The following NLGN1 variants were observed in gnomAD, a reference collection of about 807,000 sequenced individuals.
The protein encoded by NLGN1 is neuroligin 1, also known as neuroligin-1.
NLGN1 carries 12 observed loss-of-function variants against 65.5 expected under a neutral mutation model. The observed-to-expected ratio is 0.18, with a 90% CI of 0.12 to 0.30. NLGN1 has a LOEUF of 0.30. Ranked by LOEUF, NLGN1 falls within the 10% of genes least tolerant of loss-of-function variation. The probability of loss-of-function intolerance (pLI) is 1.00; values close to 1 mark genes in which losing one functional copy is unlikely to be tolerated. For synonymous variants in NLGN1, 350 were observed against 359.5 expected (o/e 0.97, Z 0.30); for missense variants, 750 against 1,007.1 (o/e 0.74, Z 3.46).
chr3:174,172,724 G>T (rs928648695), intron 4 of NLGN1, among the ~76,000 whole-genome samples: 5 of 152,256 alleles, frequency 3.3e-5, no homozygotes, highest in Admixed American at 1.3e-4. Flanking sequence ...CAATAGCTCT[G>T]CAGTATAATA....
chr3:173,899,298 G>A (rs1407132767), intron 4 of NLGN1, among the ~76,000 whole-genome samples: 1 of 152,036 alleles, frequency 6.6e-6, no homozygotes, highest in Admixed American at 6.6e-5. Flanking sequence ...CACATTGAAA[G>A]TTTTTCAAAT....
At chr3:173,790,508 C>G (rs374340188) in intron 3 of NLGN1, among the ~76,000 whole-genome samples, 1 of 151,896 alleles carries the variant, frequency 6.6e-6, no homozygotes, top group Admixed American at 6.6e-5. Context: ...TGAATTGTTA[C>G]GAAAATTTTA....
intron 3 of NLGN1, among the ~76,000 whole-genome samples, chr3:173,676,311 A>G (rs530995652): frequency 6.6e-6 from 1 of 152,222 alleles, no homozygotes; most frequent in South Asian, 2.1e-4. Flanking sequence ...GGAGGTCAAC[A>G]GGGCCAGATG....
chr3:173,827,169 T>G (rs1721504817), intron 4 of NLGN1, among the ~76,000 whole-genome samples: 1 of 151,994 alleles, frequency 6.6e-6, no homozygotes, highest in Admixed American at 6.6e-5. Context: ...TCTTCTCTTG[T>G]AATTAGTTAG....
intron 3 of NLGN1, among the ~76,000 whole-genome samples, chr3:173,738,792 T>G (rs1380431673): frequency 6.6e-6 from 1 of 152,102 alleles, no homozygotes; most frequent in Non-Finnish European, 1.5e-5. Flanking sequence ...TCTGGAATTT[T>G]GATTAAAATG....
chr3:173,979,517 TAAG>T (rs1430799293), intron 4 of NLGN1, among the ~76,000 whole-genome samples: 1 of 151,918 alleles, frequency 6.6e-6, no homozygotes, highest in Non-Finnish European at 1.5e-5. Flanking sequence ...GGTGTGAGGA[TAAG>T]AAGGGAAAAT....
intron 4 of NLGN1, among the ~76,000 whole-genome samples, chr3:173,849,485 T>G (rs1726467449): frequency 1.8e-5 from 1 of 55,698 alleles, no homozygotes; most frequent in Non-Finnish European, 4.2e-5. Flanking sequence ...AATATAAACA[T>G]TAGCAGAGGT....
intron 4 of NLGN1, among the ~76,000 whole-genome samples, chr3:173,892,409 T>C (rs1269151095): frequency 6.6e-6 from 1 of 152,036 alleles, no homozygotes; most frequent in Non-Finnish European, 1.5e-5. Flanking sequence ...TTTTCCTATG[T>C]ATGTTTTATA....
At chr3:174,108,384 T>C (rs1281957232) in intron 4 of NLGN1, among the ~76,000 whole-genome samples, 5 of 152,116 alleles carry the variant, frequency 3.3e-5, no homozygotes, top group African/African-American at 4.8e-5. Context: ...TTGGGGACTA[T>C]TTTTTGTCTG....
intron 4 of NLGN1, among the ~76,000 whole-genome samples, chr3:174,273,291 A>T (rs1284187663): frequency 2.0e-5 from 3 of 150,386 alleles, no homozygotes; most frequent in African/African-American, 7.3e-5. Context: ...TCTTTCATTC[A>T]CTCTCTCTCT....
At chr3:173,897,900 A>T (rs73035443) in intron 4 of NLGN1, among the ~76,000 whole-genome samples, 5,957 of 152,264 alleles carry the variant, frequency 0.039, 239 homozygotes, top group African/African-American at 0.099. Flanking sequence ...ATCATTGCAA[A>T]CAATCAGATT....
intron 3 of NLGN1, among the ~76,000 whole-genome samples, chr3:173,766,342 G>A (rs537049091): frequency 6.6e-6 from 1 of 152,120 alleles, no homozygotes; most frequent in East Asian, 1.9e-4. Flanking sequence ...GCCCACCTAC[G>A]CCTCCCAAAG....
chr3:173,633,804 C>A (rs992919511), intron 3 of NLGN1, among the ~76,000 whole-genome samples: 1 of 152,258 alleles, frequency 6.6e-6, no homozygotes. Flanking sequence ...TTCTAATTAT[C>A]GTTTAGCAGT....
rs145348450 is a variant in NLGN1, at chr3:173,807,685, C to T, written c.499C>T (p.Arg167Trp). 15 of 1,612,402 alleles carry T rather than the reference C, an allele frequency of 9.3e-6. No homozygotes were observed. The highest frequency in any genetic ancestry group is 5.3e-5 in the African/African-American group (4 of 74,832). ...GCCAACCATTTGTTTTCCAGATATT[C>T]GGGACAGTGGGGGTCCCAAACCAGT... Residue 167 changes from arginine to tryptophan, a missense_variant, in exon 4 of 7, where the codon CGG (arginine) becomes TGG (tryptophan). Physicochemically the swap from Arg to Trp is moderately radical, Grantham distance 101. Transcript: ENST00000457714.
chr3:174,206,546 C>G (rs1735464651), intron 4 of NLGN1, among the ~76,000 whole-genome samples: 1 of 152,318 alleles, frequency 6.6e-6, no homozygotes, highest in Middle Eastern at 3.4e-3. Flanking sequence ...GGGCCTGTGT[C>G]CTACACTCAG....
At chr3:173,898,472 C>T (rs2152160582) in intron 4 of NLGN1, among the ~76,000 whole-genome samples, 1 of 152,246 alleles carries the variant, frequency 6.6e-6, no homozygotes, top group South Asian at 2.1e-4. Context: ...GTATTCACAC[C>T]ATAGAAATGA....
intron 2 of NLGN1, among the ~76,000 whole-genome samples, chr3:173,534,711 A>G (rs1737157069): frequency 6.6e-6 from 1 of 152,184 alleles, no homozygotes; most frequent in South Asian, 2.1e-4. Flanking sequence ...ATTAAGGCCA[A>G]GACAGTAATT....
intron 4 of NLGN1, among the ~76,000 whole-genome samples, chr3:173,828,320 G>A (rs1426188875): frequency 6.6e-6 from 1 of 151,894 alleles, no homozygotes; most frequent in Non-Finnish European, 1.5e-5. Flanking sequence ...AAACATTTTT[G>A]TGGATTGTTA....
At chr3:173,891,304 G>T (rs1735284768) in intron 4 of NLGN1, among the ~76,000 whole-genome samples, 1 of 152,090 alleles carries the variant, frequency 6.6e-6, no homozygotes, top group Non-Finnish European at 1.5e-5. Flanking sequence ...CAAGTGGAAG[G>T]ATTATGGGCT....
Sources: allele counts gnomAD v4.1 joint callset (sites outside exome capture counted in the v4.1 genomes callset), GRCh38; gene constraint gnomAD v4.1.1; transcripts MANE v1.5; gene names NCBI Gene and HGNC (gene_info 2026-07-23, HGNC 2026-07-21).